TRPV2: variants seen among roughly 807,000 people sequenced by gnomAD.
TRPV2 encodes transient receptor potential cation channel subfamily V member 2.
In TRPV2, 58 loss-of-function variants were observed where a neutral mutation model predicts 91.0. That is an observed-to-expected ratio of 0.64 (90% CI 0.52 to 0.79). The LOEUF is 0.79. TRPV2 is among the 30% of genes least tolerant of loss of function. TRPV2 has a pLI of 0.00. For missense variants in TRPV2, 807 were observed against 969.6 expected, an observed-to-expected ratio of 0.83 and a Z score of 2.23; for synonymous variants, 417 against 414.8, an observed-to-expected ratio of 1.01 and a Z score of -0.06.
intron 7 of TRPV2, 132 bp downstream of exon 7, chr17:16,427,009 C>A: frequency 1.0e-6 from 1 of 995,716 alleles, no homozygotes; most frequent in Non-Finnish European, 1.5e-6. Flanking sequence ...TGGGAGCCAG[C>A]ACTGCAGTAC....
Position 16,435,734 on chromosome 17 carries a change from T to A in TRPV2, c.2194+765T>A, listed in dbSNP as rs1207430474. On this transcript the variant is annotated intron_variant, in intron 14 of 14. Transcript: ENST00000338560. This position sits in a 1 kb window ranked among gnomAD's most constrained non-coding sequence, Gnocchi z 4.2. ...TGCTTGTGCCTGTTGCCCCCCACAATAGCCTCCTGAGTCTCCCATGGCCCC... is the reference window on the plus strand; with the variant it reads ...TGCTTGTGCCTGTTGCCCCCCACAAAAGCCTCCTGAGTCTCCCATGGCCCC... 6.6e-6 allele frequency among the ~76,000 whole-genome samples: 1 copy of A among 152,160 alleles called. No individual in the cohort carries two copies. The highest frequency in any genetic ancestry group is 1.5e-5 in the Non-Finnish European group (1 of 68,010).
rs1240611321 is a variant in TRPV2 at position 16,426,717 on chromosome 17, C to T, written c.1096-5C>T. 6.2e-7 allele frequency: 1 copy of T among 1,611,950 alleles called. No individual in the cohort carries two copies. Among genetic ancestry groups the T allele is most frequent in the South Asian group, 1.1e-5 (1 of 90,754 alleles). On this transcript the variant is annotated splice_region_variant and splice_polypyrimidine_tract_variant and intron_variant, in intron 6 of 14. Transcript: ENST00000338560. The surrounding 1 kb of genome is among the most constrained non-coding windows in gnomAD (Gnocchi z 6.0). ...GTACCCATGGCTCTCCCCTCCCCACCCCAGCACCGACACCGAATGGTCGTT... is the reference window on the plus strand; with the variant it reads ...GTACCCATGGCTCTCCCCTCCCCACTCCAGCACCGACACCGAATGGTCGTT...
At chr17:16,418,548 A>G (rs1483274862) in intron 2 of TRPV2, among the ~76,000 whole-genome samples, 1 of 152,002 alleles carries the variant, frequency 6.6e-6, no homozygotes, top group African/African-American at 2.4e-5. Context: ...CTCATGCTTG[A>G]GGTACAGCCA....
intron 5 of TRPV2, among the ~76,000 whole-genome samples, chr17:16,425,453 A>G (rs1333021916): frequency 6.6e-6 from 1 of 152,236 alleles, no homozygotes; most frequent in Non-Finnish European, 1.5e-5. Flanking sequence ...AGCTTTTGCC[A>G]ATAGCTCACC....
At chr17:16,431,886 C>G (rs565082937) in intron 11 of TRPV2, 36 bp downstream of exon 11, 37 of 1,613,604 alleles carry the variant, frequency 2.3e-5, no homozygotes, top group Non-Finnish European at 3.1e-5. Flanking sequence ...CCCTTCCCCA[C>G]GTTCCTTGTC....
At position 16,426,935 on chromosome 17, in the gene TRPV2, T is replaced by C. The variant is rs1364499480; in HGVS notation, c.1251+58T>C. ...GGGGGAGGCCTGCTTGAAACAACCC[T>C]GGGGGAAGATGGGGCAGTAATAGTG... On this transcript the variant is annotated intron_variant, in intron 7 of 14. Transcript: ENST00000338560. This position sits in a 1 kb window ranked among gnomAD's most constrained non-coding sequence, Gnocchi z 6.0. 3.2e-6 allele frequency: 5 copies of C among 1,556,062 alleles called. No homozygotes were observed. The East Asian group carries it at 9.0e-5, about 28-fold the overall frequency.
intron 2 of TRPV2, 64 bp downstream of exon 2, chr17:16,417,932 A>G (rs1392358525): frequency 3.4e-6 from 5 of 1,477,312 alleles, no homozygotes; most frequent in Middle Eastern, 4.0e-4. Flanking sequence ...GAGCACCCGG[A>G]GTGAGACTCA....
At chr17:16,431,641 G>A in intron 10 of TRPV2, 143 bp from the exon 11 acceptor site, 1 of 721,500 alleles carries the variant, frequency 1.4e-6, no homozygotes. Flanking sequence ...GCTCGGTGTG[G>A]CTCCACAGGC....
At position 16,427,625 on chromosome 17, in the gene TRPV2, A is replaced by G. The variant is rs1476497984; in HGVS notation, c.1350+78A>G. 18 of 1,368,322 alleles carry G rather than the reference A, an allele frequency of 1.3e-5. No homozygotes were observed. In the East Asian group the frequency reaches 2.0e-4, roughly 15 times the overall value. 84.8% of individuals were successfully genotyped at this position (1,368,322 alleles called of 1,614,324 possible). On this transcript the variant is annotated intron_variant, in intron 8 of 14. Coordinates refer to ENST00000338560, the MANE Select transcript of TRPV2 (RefSeq NM_016113.5). ...AGGGGGCTTAGAGAAAGTTAGCTGC[A>G]TCCCCTCACTGACAATACCCAGTCC...
At position 16,427,526 on chromosome 17, in the gene TRPV2, G is replaced by GA; in HGVS notation, c.1330dup (p.Ile444AsnfsTer28). 1 of 1,612,566 alleles carries GA rather than the reference G, an allele frequency of 6.2e-7. No homozygotes were observed. On this transcript the variant is annotated frameshift_variant, in exon 8 of 15. Coordinates refer to ENST00000338560, the MANE Select transcript of TRPV2 (RefSeq NM_016113.5). LOFTEE classifies it high-confidence loss of function. ...GCCACATCCTTATCCTGCTAGGGGG[G>GA]ATCTACCTCCTCGTGGGCCAGGTGA...
At chr17:16,429,297 C>T (rs938057910) in intron 10 of TRPV2, among the ~76,000 whole-genome samples, 11 of 152,220 alleles carry the variant, frequency 7.2e-5, no homozygotes, top group African/African-American at 2.7e-4. Context: ...TGTGTGGGCG[C>T]GGGCATGTAA....
intron 4 of TRPV2, 145 bp from the exon 5 acceptor site, chr17:16,423,324 G>A (rs2093366954): frequency 7.7e-6 from 7 of 904,844 alleles, no homozygotes; most frequent in South Asian, 1.9e-5. Flanking sequence ...AAGGCAGCAG[G>A]TTGGCTGGCC....
intron 4 of TRPV2, 55 bp downstream of exon 4, chr17:16,422,944 A>T (rs2093365665): frequency 3.9e-6 from 6 of 1,521,564 alleles, no homozygotes; most frequent in Non-Finnish European, 5.3e-6. Flanking sequence ...GGCCTGGTTC[A>T]AGGTCACATG....
At position 16,420,143 on chromosome 17, in the gene TRPV2, G is replaced by T. The variant is rs759931915; in HGVS notation, c.229G>T (p.Asp77Tyr). 6.2e-6 allele frequency: 10 copies of T among 1,613,894 alleles called. No individual in the cohort carries two copies. The highest frequency in any genetic ancestry group is 8.5e-6 in the Non-Finnish European group (10 of 1,179,776). ...GCCGGATCCAAACCGATTTGACCGA[G>T]ATCGGCTCTTCAATGCGGTCTCCCG... is the stretch of plus-strand genomic sequence containing the variant. ...SQPDPNRFDR[D>Y]RLFNAVSRGV... The change falls in exon 3 of 15, where the codon GAT (aspartate) becomes TAT (tyrosine). Residue 77 changes from aspartate (D) to tyrosine (Y), a missense_variant. Transcript: ENST00000338560.
Position 16,422,619 on chromosome 17 carries a change from T to C in TRPV2, c.355T>C (p.Cys119Arg). The change falls in exon 4 of 15, where the codon TGC (cysteine) becomes CGC (arginine). Residue 119 changes from cysteine to arginine, a missense_variant. Cys to Arg is a radical substitution (Grantham distance 180). Coordinates refer to ENST00000338560, the MANE Select transcript of TRPV2 (RefSeq NM_016113.5). ...CACAGAGGGCTCCACAGGTAAGACG[T>C]GCCTGATGAAGGCTGTGCTGAACCT... ...EYTEGSTGKT[C>R]LMKAVLNLKD... is the part of the protein sequence containing the mutation. The C allele has an allele frequency of 6.2e-7, 1 of 1,614,064 alleles. No individual in the cohort carries two copies. Among genetic ancestry groups the C allele is most frequent in the Non-Finnish European group, 8.5e-7 (1 of 1,179,966 alleles).
intron 10 of TRPV2, among the ~76,000 whole-genome samples, chr17:16,431,277 A>ATATATG (rs1555883011): frequency 1.3e-5 from 1 of 75,748 alleles, no homozygotes; most frequent in African/African-American, 5.9e-5. Flanking sequence ...ATATATATAT[A>ATATATG]TATATATATA....
At chr17:16,429,076 G>C in intron 10 of TRPV2, 94 bp downstream of exon 10, 1 of 1,383,200 alleles carries the variant, frequency 7.2e-7, no homozygotes, top group South Asian at 1.3e-5. Flanking sequence ...GAGGGCATGT[G>C]TACATCTGCC....
Position 16,419,350 on chromosome 17 carries a change from G to A in TRPV2, c.201-765G>A, listed in dbSNP as rs77750944. 1.3e-3 allele frequency: 617 copies of A among 471,084 alleles called. 4 individuals are homozygous for A. The highest frequency in any genetic ancestry group is 0.011 in the African/African-American group (563 of 50,176). 29.2% of individuals were successfully genotyped at this position (471,084 alleles called of 1,614,324 possible). On this transcript the variant is annotated intron_variant, in intron 2 of 14. Coordinates refer to ENST00000338560, the MANE Select transcript of TRPV2 (RefSeq NM_016113.5). ...GGTCTGTGGGAGAGATTTCTCATTA[G>A]GTGTGCCTTCTTGGTGGTGTCTGAT...
At position 16,426,897 on chromosome 17, in the gene TRPV2, G is replaced by A; in HGVS notation, c.1251+20G>A. The A allele has an allele frequency of 2.5e-6, 4 of 1,607,970 alleles. No individual in the cohort carries two copies. The East Asian group carries it at 8.9e-5, about 36-fold the overall frequency. ...AAGAAGGCAAGGGCGTGAGGTTTGG[G>A]GGGGCACATCTTGGGGGAGGCCTGC... On this transcript the variant is annotated intron_variant, in intron 7 of 14. Coordinates refer to ENST00000338560, the MANE Select transcript of TRPV2 (RefSeq NM_016113.5). This position sits in a 1 kb window ranked among gnomAD's most constrained non-coding sequence, Gnocchi z 6.0.
Sources: gnomAD v4.1 joint callset for allele counts (sites outside exome capture counted in the v4.1 genomes callset) on GRCh38, gnomAD v4.1.1 for gene constraint, Gnocchi (gnomAD v3.1) non-coding constraint, MANE v1.5 for transcripts, NCBI Gene and HGNC (gene_info 2026-07-23, HGNC 2026-07-21) for gene names.